Variants in BABAM2 observed in about 807,000 individuals in gnomAD.
BABAM2 encodes BRISC and BRCA1-A complex member 2.
In BABAM2, 31 loss-of-function variants were observed where a neutral mutation model predicts 54.7. That is an observed-to-expected ratio of 0.57 (90% confidence interval 0.43 to 0.77). The LOEUF (loss-of-function observed/expected upper bound fraction) is 0.77. BABAM2 is among the 30% of genes least tolerant of loss of function. BABAM2 has a pLI of 0.00. For missense variants in BABAM2, 364 were observed against 455.8 expected, an observed-to-expected ratio of 0.80 and a Z score of 1.83; for synonymous variants, 167 against 162.9, an observed-to-expected ratio of 1.03 and a Z score of -0.19.
intron 2 of BABAM2, among the ~76,000 whole-genome samples, chr2:27,903,839 C>G (rs1028623730): frequency 6.6e-6 from 1 of 152,148 alleles, no homozygotes; most frequent in Non-Finnish European, 1.5e-5. Context: ...TATGTTAGGT[C>G]TTAGCAACAT....
At chr2:28,284,408 A>C (rs1686628072) in intron 10 of BABAM2, among the ~76,000 whole-genome samples, 1 of 151,930 alleles carries the variant, frequency 6.6e-6, no homozygotes, top group Non-Finnish European at 1.5e-5. Flanking sequence ...AAAAAAAAAA[A>C]CACTCACAAA....
intron 6 of BABAM2, among the ~76,000 whole-genome samples, chr2:28,126,413 G>A (rs1440764098): frequency 1.3e-5 from 2 of 148,562 alleles, no homozygotes; most frequent in Middle Eastern, 3.5e-3. Context: ...TTGTCCTTGC[G>A]ATAGTTTACT....
At chr2:28,231,050 G>T (rs1462542691) in intron 7 of BABAM2, among the ~76,000 whole-genome samples, 2 of 152,196 alleles carry the variant, frequency 1.3e-5, no homozygotes, top group African/African-American at 4.8e-5. Flanking sequence ...AGAAAGACCT[G>T]GGTTTAAGCC....
Position 28,329,036 on chromosome 2 carries a change from G to A in BABAM2, c.1089-9414G>A, listed in dbSNP as rs556827552. On this transcript the variant is annotated intron_variant, in intron 11 of 11. Coordinates refer to ENST00000379624, the MANE Select transcript of BABAM2 (RefSeq NM_199191.3). This position sits in a 1 kb window ranked among gnomAD's most constrained non-coding sequence, Gnocchi z 4.2. ...GAAAGAACCCTTTAGATGAGACTTC[G>A]TTGAACAAAGTTTCCTACTGGCCTC... Among the ~76,000 whole-genome samples the A allele has an allele frequency of 7.9e-5, 12 of 152,192 alleles. No individual in the cohort carries two copies. Among genetic ancestry groups the A allele is most frequent in the East Asian group, 3.9e-4 (2 of 5,192 alleles).
chr2:28,166,399 A>G lies in BABAM2; in HGVS notation c.680+37019A>G, dbSNP rs1005562870. ...AAAAACTACTCTAGCGAGTTATCCT[A>G]TCAACCAAAATAGTGAATACCACAG... On this transcript the variant is annotated intron_variant, in intron 7 of 11. Coordinates refer to ENST00000379624, the MANE Select transcript of BABAM2 (RefSeq NM_199191.3). 2.2e-4 allele frequency among the ~76,000 whole-genome samples: 33 copies of G among 152,192 alleles called. 1 individual carries two copies. Among genetic ancestry groups the G allele is most frequent in the African/African-American group, 7.5e-4 (31 of 41,452 alleles).
rs115102800 is a variant in BABAM2, at chr2:27,977,261, T to C, written c.206-10732T>C. Among the ~76,000 whole-genome samples the C allele has an allele frequency of 5.2e-3, 797 of 152,294 alleles. 6 individuals are homozygous for C. Among genetic ancestry groups the C allele is most frequent in the African/African-American group, 0.018 (751 of 41,572 alleles). On this transcript the variant is annotated intron_variant, in intron 3 of 11. Transcript: ENST00000379624. ...AATTATTGCACCCAAGATTGTTTAT[T>C]GTTTATAAATTGTCATAAAGGGAGG...
intron 6 of BABAM2, among the ~76,000 whole-genome samples, chr2:28,073,836 G>A (rs981389928): frequency 2.0e-5 from 3 of 152,058 alleles, no homozygotes; most frequent in Non-Finnish European, 4.4e-5. Context: ...GGGAGTGGGG[G>A]AGGTACTCTT....
At chr2:28,106,315 G>T (rs561326192) in intron 6 of BABAM2, among the ~76,000 whole-genome samples, 1 of 152,058 alleles carries the variant, frequency 6.6e-6, no homozygotes, top group Non-Finnish European at 1.5e-5. Context: ...AAGAGATGAG[G>T]TGTTGCTGTA....
At chr2:27,900,312 T>C (rs79859480) in intron 2 of BABAM2, among the ~76,000 whole-genome samples, 2,626 of 152,206 alleles carry the variant, frequency 0.017, 69 homozygotes, top group African/African-American at 0.06. Context: ...AAGTTATCTA[T>C]ATTCTAGATC....
intron 10 of BABAM2, among the ~76,000 whole-genome samples, chr2:28,296,728 C>T (rs989033317): frequency 6.6e-6 from 1 of 152,116 alleles, no homozygotes; most frequent in African/African-American, 2.4e-5. Context: ...CACTCTGTTG[C>T]CCAGGCTGGA....
rs7426353 is a variant in BABAM2, at chr2:28,288,265, A to C, written c.935-10073A>C. ...TTGTGTCACCTATTTCTCTTCACAG[A>C]TACAAAGGGCAGGAGAGTAGTGGGA... is the stretch of plus-strand genomic sequence containing the variant. On this transcript the variant is annotated intron_variant, in intron 10 of 11. Transcript: ENST00000379624. Among the ~76,000 whole-genome samples the C allele has an allele frequency of 7.2e-3, 1,095 of 151,640 alleles. 10 individuals carry two copies. Among genetic ancestry groups the C allele is most frequent in the African/African-American group, 0.025 (1,038 of 41,304 alleles).
intron 9 of BABAM2, among the ~76,000 whole-genome samples, chr2:28,241,765 T>C (rs1227066887): frequency 6.6e-6 from 1 of 152,088 alleles, no homozygotes; most frequent in African/African-American, 2.4e-5. Flanking sequence ...AGTGCTGGGA[T>C]TACAGGCGTG....
intron 2 of BABAM2, among the ~76,000 whole-genome samples, chr2:27,916,369 G>A (rs1215216111): frequency 1.3e-5 from 2 of 152,314 alleles, no homozygotes; most frequent in East Asian, 1.9e-4. Context: ...TACATTGAAT[G>A]TATGAAAATG....
chr2:27,947,691 C>T (rs565615588), intron 3 of BABAM2, among the ~76,000 whole-genome samples: 15 of 152,210 alleles, frequency 9.9e-5, no homozygotes, highest in African/African-American at 3.4e-4. Flanking sequence ...AATTCCATGC[C>T]ACAAAGATTT....
chr2:27,992,058 A>G (rs1022762811), intron 4 of BABAM2, among the ~76,000 whole-genome samples: 1 of 152,182 alleles, frequency 6.6e-6, no homozygotes, highest in African/African-American at 2.4e-5. Flanking sequence ...CCTAGTGGGT[A>G]TGAAGTGGTA....
At chr2:28,129,193 C>T (rs553619058) in intron 6 of BABAM2, 78 bp from the exon 7 acceptor site, 221 of 1,316,112 alleles carry the variant, frequency 1.7e-4, no homozygotes, top group Non-Finnish European at 2.4e-4. Flanking sequence ...GGCTTCAATG[C>T]CAGTGGACTG....
intron 6 of BABAM2, among the ~76,000 whole-genome samples, chr2:28,103,157 A>T (rs1052564055): frequency 3.3e-5 from 5 of 151,770 alleles, no homozygotes; most frequent in Middle Eastern, 3.4e-3. Flanking sequence ...AAAAAAAAAA[A>T]TTTACTCAGT....
At chr2:28,196,196 G>A (rs1178207846) in intron 7 of BABAM2, among the ~76,000 whole-genome samples, 1 of 151,838 alleles carries the variant, frequency 6.6e-6, no homozygotes, top group African/African-American at 2.4e-5. Context: ...GCATGGTGGC[G>A]GGTGCCTGTA....
intron 11 of BABAM2, among the ~76,000 whole-genome samples, chr2:28,333,409 G>A (rs10202979): frequency 0.85 from 129,734 of 151,952 alleles, 55,993 homozygotes; most frequent in East Asian, 0.97. Flanking sequence ...GGGAGCTGAA[G>A]CCCAGAAGAG....
Sources: allele counts gnomAD v4.1 joint callset (sites outside exome capture counted in the v4.1 genomes callset), GRCh38; gene constraint gnomAD v4.1.1; non-coding constraint Gnocchi (gnomAD v3.1); transcripts MANE v1.5; gene names NCBI Gene and HGNC (gene_info 2026-07-23, HGNC 2026-07-21).